DEFB124: variants seen among roughly 807,000 people sequenced by gnomAD.
DEFB124 encodes the protein beta-defensin 124.
For missense variants in DEFB124, 78 were observed against 83.1 expected, an observed-to-expected ratio of 0.94 and a Z score of 0.24; for synonymous variants, 38 against 36.5, an observed-to-expected ratio of 1.04 and a Z score of -0.15.
At chr20:31,470,140 T>C (rs1368166464) in intron 2 of DEFB124, among the ~76,000 whole-genome samples, 207 of 60,704 alleles carry the variant, frequency 3.4e-3, no homozygotes, top group African/African-American at 4.6e-3. Flanking sequence ...CCTCACTTCC[T>C]AGTAGGGGCG....
chr20:31,469,135 A>G (rs911918495), intron 2 of DEFB124, among the ~76,000 whole-genome samples: 1 of 151,754 alleles, frequency 6.6e-6, no homozygotes, highest in Non-Finnish European at 1.5e-5. Context: ...AAAAGAAAAA[A>G]CTCTGGGCCG....
chr20:31,466,085 G>C (rs1201110373), intron 2 of DEFB124, among the ~76,000 whole-genome samples: 1 of 152,106 alleles, frequency 6.6e-6, no homozygotes, highest in South Asian at 2.1e-4. Context: ...TGAACCCAGA[G>C]GGAGGAGATT....
chr20:31,472,071 T>C (rs1476684925), intron 2 of DEFB124, among the ~76,000 whole-genome samples: 3 of 151,908 alleles, frequency 2.0e-5, no homozygotes, highest in African/African-American at 2.4e-5. Flanking sequence ...ATGGAGGTTG[T>C]AGCGAGCTGA....
At chr20:31,471,659 G>A (rs1421913390) in intron 2 of DEFB124, among the ~76,000 whole-genome samples, 5 of 143,406 alleles carry the variant, frequency 3.5e-5, no homozygotes, top group East Asian at 2.1e-4. Context: ...GGCAGCTGCC[G>A]GGCGGAGGGG....
intron 2 of DEFB124, among the ~76,000 whole-genome samples, chr20:31,471,058 C>T (rs1980271764): frequency 9.4e-6 from 1 of 106,268 alleles, no homozygotes; most frequent in East Asian, 2.6e-4. Context: ...GGGGGGCTGA[C>T]CCCCCCCACC....
At chr20:31,471,315 A>AC (rs560170709) in intron 2 of DEFB124, among the ~76,000 whole-genome samples, 4 of 36,540 alleles carry the variant, frequency 1.1e-4, no homozygotes, top group African/African-American at 4.4e-4. Flanking sequence ...CGGGGGGCTG[A>AC]CCCCCCCCAC....
At chr20:31,468,190 T>TC (rs890320436) in intron 2 of DEFB124, among the ~76,000 whole-genome samples, 1 of 152,008 alleles carries the variant, frequency 6.6e-6, no homozygotes, top group Non-Finnish European at 1.5e-5. Flanking sequence ...TCCTTTGTGC[T>TC]CCCCCCGCTA....
At chr20:31,472,916 T>TGC (rs779638642) in intron 2 of DEFB124, 40 bp downstream of exon 2, 26 of 1,242,056 alleles carry the variant, frequency 2.1e-5, no homozygotes, top group Non-Finnish European at 2.8e-5. Context: ...AGCACACATG[T>TGC]GCACACACAC....
At chr20:31,473,089 C>T in intron 1 of DEFB124, 51 bp from the exon 2 acceptor site, 1 of 1,537,214 alleles carries the variant, frequency 6.5e-7, no homozygotes, top group Non-Finnish European at 8.9e-7. Context: ...CTCGCTGCTT[C>T]CAGCCCAGGC....
chr20:31,468,196 C>A (rs181335178), intron 2 of DEFB124, among the ~76,000 whole-genome samples: 4 of 152,326 alleles, frequency 2.6e-5, no homozygotes, highest in East Asian at 3.9e-4. Flanking sequence ...GTGCTCCCCC[C>A]GCTAGCCACA....
chr20:31,466,468 C>T (rs1383622507), intron 2 of DEFB124, among the ~76,000 whole-genome samples: 1 of 151,836 alleles, frequency 6.6e-6, no homozygotes, highest in African/African-American at 2.4e-5. Flanking sequence ...GGCCTGGTGG[C>T]GGGCACCTGT....
chr20:31,469,615 C>A (rs915263738), intron 2 of DEFB124, among the ~76,000 whole-genome samples: 7 of 150,302 alleles, frequency 4.7e-5, no homozygotes, highest in African/African-American at 1.7e-4. Flanking sequence ...GTGTTTGTGT[C>A]CCTGGGTACT....
intron 2 of DEFB124, among the ~76,000 whole-genome samples, chr20:31,471,139 A>ACC (rs1197096766): frequency 1.2e-5 from 1 of 85,926 alleles, no homozygotes; most frequent in African/African-American, 4.6e-5. Context: ...CGGGGGGTTG[A>ACC]CCCCCCCACC....
intron 2 of DEFB124, among the ~76,000 whole-genome samples, chr20:31,468,778 G>C (rs978851776): frequency 3.3e-5 from 5 of 151,760 alleles, no homozygotes; most frequent in African/African-American, 7.3e-5. Flanking sequence ...CCCGGCCAGG[G>C]TTCTTTATAC....
intron 1 of DEFB124, among the ~76,000 whole-genome samples, chr20:31,473,764 T>C (rs1173243916): frequency 6.6e-6 from 1 of 152,190 alleles, no homozygotes; most frequent in Non-Finnish European, 1.5e-5. Context: ...TCACTAACAC[T>C]GGTCACAAGT....
At position 31,469,252 on chromosome 20, in the gene DEFB124, G is replaced by A. The variant is rs181956101; in HGVS notation, c.59-3589C>T. ...AGCCTGACCAACATGGTGAAACCCC[G>A]TCTCCACTAAAAATACAAAAATTAG... is the stretch of plus-strand genomic sequence containing the variant. On this transcript the variant is annotated intron_variant, in intron 2 of 2. Coordinates refer to ENST00000317676, the MANE Select transcript of DEFB124 (RefSeq NM_001037500.2). Among the ~76,000 whole-genome samples, 214 of 151,954 alleles carry A rather than the reference G, an allele frequency of 1.4e-3. 7 individuals are homozygous for A. In the East Asian group the frequency reaches 0.037, roughly 26 times the overall value.
intron 2 of DEFB124, among the ~76,000 whole-genome samples, chr20:31,470,353 C>T (rs1365935241): frequency 2.9e-5 from 4 of 138,928 alleles, no homozygotes; most frequent in Non-Finnish European, 6.4e-5. Context: ...CCTCACCCCC[C>T]GGACGGGGTG....
chr20:31,473,096 A>T lies in DEFB124; in HGVS notation c.-25-58T>A. 2.0e-6 allele frequency: 3 copies of T among 1,510,784 alleles called. No individual in the cohort carries two copies. The South Asian group carries it at 3.5e-5, about 18-fold the overall frequency. The allele number at this position is 1,510,784 out of a possible 1,614,324, so 93.6% of individuals were successfully genotyped here. The stretch of plus-strand genomic sequence containing the variant: ...GGCTGAGCCTCGCTGCTTCCAGCCC[A>T]GGCTTTATTGAGCTGCAGATGAAGG... On this transcript the variant is annotated intron_variant, in intron 1 of 2. Coordinates refer to ENST00000317676, the MANE Select transcript of DEFB124 (RefSeq NM_001037500.2).
At chr20:31,470,109 G>A (rs1414742841) in intron 2 of DEFB124, among the ~76,000 whole-genome samples, 4 of 128,908 alleles carry the variant, frequency 3.1e-5, no homozygotes, top group Admixed American at 7.4e-5. Context: ...CGGACGGAGC[G>A]GCTGGCCGGG....
Sources: allele counts gnomAD v4.1 joint callset (sites outside exome capture counted in the v4.1 genomes callset), GRCh38; gene constraint gnomAD v4.1.1; transcripts MANE v1.5; gene names NCBI Gene and HGNC (gene_info 2026-07-23, HGNC 2026-07-21).